DNAH11: variants seen among roughly 807,000 people sequenced by gnomAD.
DNAH11 encodes dynein axonemal heavy chain 11, also known as axonemal beta dynein heavy chain 11.
In DNAH11, 442 loss-of-function variants were observed where a neutral mutation model predicts 526.0. The ratio of observed to expected loss-of-function variants is 0.84; its 90% CI spans 0.78 to 0.91. The LOEUF (loss-of-function observed/expected upper bound fraction) is 0.91. Ranked by LOEUF, DNAH11 falls within the 40% of genes least tolerant of loss-of-function variation. The pLI, the probability that DNAH11 is intolerant of heterozygous loss-of-function variation, is 0.00. For synonymous variants in DNAH11, 2,461 were observed against 1,935.9 expected, an observed-to-expected ratio of 1.27 and a Z score of -7.12; for missense variants, 6,989 against 5,448.7, an observed-to-expected ratio of 1.28 and a Z score of -8.90.
intron 9 of DNAH11, among the ~76,000 whole-genome samples, chr7:21,582,670 G>A (rs868640061): frequency 5.3e-5 from 8 of 152,150 alleles, no homozygotes; most frequent in Middle Eastern, 3.4e-3. Context: ...CTTATAATAT[G>A]AGGAATAGCA....
intron 42 of DNAH11, among the ~76,000 whole-genome samples, chr7:21,716,049 G>T (rs1338944645): frequency 6.6e-6 from 1 of 151,974 alleles, no homozygotes; most frequent in African/African-American, 2.4e-5. Flanking sequence ...CCATGAAACC[G>T]CTATTACCTG....
intron 8 of DNAH11, among the ~76,000 whole-genome samples, chr7:21,579,784 TA>T (rs1410202879): frequency 1.3e-5 from 2 of 152,318 alleles, no homozygotes; most frequent in South Asian, 4.1e-4. Flanking sequence ...ATTTCTATTT[TA>T]AAAAAGATTA....
chr7:21,710,961 C>T (rs546111766), intron 41 of DNAH11, among the ~76,000 whole-genome samples: 1 of 152,284 alleles, frequency 6.6e-6, no homozygotes, highest in African/African-American at 2.4e-5. Flanking sequence ...ATTTAGTTTA[C>T]AGATCTTACC....
intron 45 of DNAH11, among the ~76,000 whole-genome samples, chr7:21,726,417 A>G (rs1785107236): frequency 1.3e-5 from 2 of 152,040 alleles, no homozygotes; most frequent in Non-Finnish European, 2.9e-5. Context: ...TCCAAACCAT[A>G]TCACCGATAT....
intron 55 of DNAH11, among the ~76,000 whole-genome samples, chr7:21,767,640 G>C (rs1769944728): frequency 1.3e-5 from 2 of 152,170 alleles, no homozygotes; most frequent in African/African-American, 4.8e-5. Context: ...TGAGTCAGAT[G>C]ATTTCATTTC....
intron 61 of DNAH11, among the ~76,000 whole-genome samples, chr7:21,797,035 G>A (rs1285461086): frequency 6.6e-6 from 1 of 152,100 alleles, no homozygotes; most frequent in Non-Finnish European, 1.5e-5. Context: ...TAAAATAGAT[G>A]AAGGAGAGAA....
chr7:21,880,625 G>A lies in DNAH11; in HGVS notation c.12196-77G>A, dbSNP rs1396296804. ...ATCTCACTCTCAAAGTTCTTTACAAGATTATTGAAAACGCAGACCCTTGCT... is the reference window on the plus strand; with the variant it reads ...ATCTCACTCTCAAAGTTCTTTACAAAATTATTGAAAACGCAGACCCTTGCT... On this transcript the variant is annotated intron_variant, in intron 74 of 81. Transcript: ENST00000409508. The A allele has an allele frequency of 2.7e-6, 4 of 1,506,864 alleles. No individual in the cohort carries two copies. In the Admixed American group the frequency reaches 5.4e-5, roughly 20 times the overall value. The allele number at this position is 1,506,864 out of a possible 1,614,324, so 93.3% of individuals were successfully genotyped here.
chr7:21,820,452 T>C (rs1790005929), intron 65 of DNAH11, among the ~76,000 whole-genome samples: 1 of 152,200 alleles, frequency 6.6e-6, no homozygotes, highest in African/African-American at 2.4e-5. Context: ...ACTCAAAAGT[T>C]AAGTAGGTAT....
At chr7:21,661,864 G>C (rs1782255169) in intron 30 of DNAH11, among the ~76,000 whole-genome samples, 1 of 152,020 alleles carries the variant, frequency 6.6e-6, no homozygotes, top group South Asian at 2.1e-4. Flanking sequence ...CTGTCATCCA[G>C]TCTGGAGTGC....
intron 42 of DNAH11, among the ~76,000 whole-genome samples, chr7:21,715,593 C>A (rs1784628393): frequency 6.6e-6 from 1 of 152,064 alleles, no homozygotes; most frequent in Admixed American, 6.6e-5. Context: ...TCTATCACAT[C>A]TTTTAAAAAT....
chr7:21,795,868 G>T (rs912417675), intron 61 of DNAH11, among the ~76,000 whole-genome samples: 1 of 152,190 alleles, frequency 6.6e-6, no homozygotes, highest in Non-Finnish European at 1.5e-5. Context: ...CTCAGGAAAG[G>T]TTTGGAGGAG....
intron 14 of DNAH11, among the ~76,000 whole-genome samples, chr7:21,596,577 A>G (rs920819870): frequency 2.6e-5 from 4 of 152,040 alleles, no homozygotes; most frequent in African/African-American, 9.7e-5. Context: ...TTTCTGTTAC[A>G]TTTTCTTGAT....
At chr7:21,736,032 A>T (rs1785594305) in intron 46 of DNAH11, among the ~76,000 whole-genome samples, 188 bp downstream of exon 46, 1 of 152,118 alleles carries the variant, frequency 6.6e-6, no homozygotes, top group Non-Finnish European at 1.5e-5. Context: ...TTGGCTTTTT[A>T]TGTCACTCAT....
rs140910066 is a variant in DNAH11, at chr7:21,609,981, G to A, written c.3852+3248G>A. Among the ~76,000 whole-genome samples, 177 of 152,234 alleles carry A rather than the reference G, an allele frequency of 1.2e-3. 1 individual carries two copies. Among genetic ancestry groups the A allele is most frequent in the Non-Finnish European group, 2.1e-3 (144 of 68,004 alleles). On this transcript the variant is annotated intron_variant, in intron 20 of 81. Coordinates refer to ENST00000409508, the MANE Select transcript of DNAH11 (RefSeq NM_001277115.2). ...GAAAAAAACAGAAAAGGGGCCGGGC[G>A]CGGTGGCTCACGCCTGTAATCCCAG...
chr7:21,879,273 G>A (rs753046938), intron 74 of DNAH11, among the ~76,000 whole-genome samples: 3 of 151,912 alleles, frequency 2.0e-5, no homozygotes, highest in Non-Finnish European at 4.4e-5. Flanking sequence ...CCAATCTGGT[G>A]AATCCCCATC....
rs5882813 is a variant in DNAH11 at position 21,558,694 on chromosome 7, G to GGAT, written c.496-107_496-105dup. On this transcript the variant is annotated intron_variant, in intron 2 of 81. Coordinates refer to ENST00000409508, the MANE Select transcript of DNAH11 (RefSeq NM_001277115.2). ...CTCTCTTTGTAGATTTGATATCATT[G>GGAT]GATATTTATGAAATTGGACAGTTTT... The GGAT allele has an allele frequency of 0.47, 338,321 of 727,296 alleles. 82,620 individuals carry two copies. The highest frequency in any genetic ancestry group is 0.77 in the East Asian group (28,079 of 36,492). The allele number at this position is 727,296 out of a possible 1,614,324, so 45.1% of individuals were successfully genotyped here. A position where few individuals can be genotyped will look rare whatever the true frequency, so the allele number is the denominator to read the frequency against.
intron 62 of DNAH11, among the ~76,000 whole-genome samples, chr7:21,804,038 G>A (rs1477796216): frequency 1.3e-5 from 2 of 152,210 alleles, no homozygotes; most frequent in Non-Finnish European, 2.9e-5. Context: ...GGGGGTACGT[G>A]TTTCGGGATG....
At chr7:21,684,257 C>G (rs1033266885) in intron 32 of DNAH11, among the ~76,000 whole-genome samples, 12 of 152,166 alleles carry the variant, frequency 7.9e-5, no homozygotes, top group Admixed American at 7.9e-4. Flanking sequence ...TGTACAATAA[C>G]TAGGAATTGC....
chr7:21,702,930 C>G, intron 37 of DNAH11, 128 bp downstream of exon 37: 1 of 805,080 alleles, frequency 1.2e-6, no homozygotes, highest in Non-Finnish European at 1.9e-6. Flanking sequence ...GTTGTTAATG[C>G]AGGAAATTTG....
Sources: gnomAD v4.1 joint callset for allele counts (sites outside exome capture counted in the v4.1 genomes callset) on GRCh38, gnomAD v4.1.1 for gene constraint, MANE v1.5 for transcripts, NCBI Gene and HGNC (gene_info 2026-07-23, HGNC 2026-07-21) for gene names.